Variants in FOXN3 observed in about 807,000 individuals in gnomAD.
The protein encoded by FOXN3 is forkhead box N3.
Under a neutral mutation model 38.4 loss-of-function variants are expected in FOXN3, and 7 were observed. That is an observed-to-expected ratio of 0.18 (90% CI 0.10 to 0.34). FOXN3 has a LOEUF of 0.34. FOXN3 is among the 10% of genes least tolerant of loss of function. The pLI is 1.00. For synonymous variants in FOXN3, 230 were observed against 242.2 expected (o/e 0.95, Z 0.47); for missense variants, 456 against 613.4 (o/e 0.74, Z 2.71).
chr14:89,335,453 A>C (rs1888421426), intron 3 of FOXN3, among the ~76,000 whole-genome samples: 1 of 152,260 alleles, frequency 6.6e-6, no homozygotes, highest in Non-Finnish European at 1.5e-5. Flanking sequence ...AATGACCAAC[A>C]GTGCTCATCA....
intron 1 of FOXN3, among the ~76,000 whole-genome samples, chr14:89,554,961 T>TTG (rs1156747020): frequency 3.3e-5 from 5 of 152,074 alleles, no homozygotes; most frequent in African/African-American, 1.2e-4. Flanking sequence ...GCTGGTTTTT[T>TTG]TGTATTTTTA....
chr14:89,296,999 T>G (rs1887058722), intron 3 of FOXN3, among the ~76,000 whole-genome samples: 1 of 152,216 alleles, frequency 6.6e-6, no homozygotes, highest in Admixed American at 6.5e-5. Flanking sequence ...TTGGGCCTGC[T>G]GTGCTAGTGT....
chr14:89,558,749 C>T (rs1895179372), intron 1 of FOXN3, among the ~76,000 whole-genome samples: 4 of 152,182 alleles, frequency 2.6e-5, no homozygotes, highest in Admixed American at 2.6e-4. Flanking sequence ...CGGACCCAGC[C>T]ATGCCAGAGG....
At chr14:89,234,947 C>T (rs774853099) in intron 4 of FOXN3, among the ~76,000 whole-genome samples, 50 of 152,148 alleles carry the variant, frequency 3.3e-4, no homozygotes, top group Admixed American at 2.0e-3. Flanking sequence ...CTTCTTGCAA[C>T]CTCCCTAATT....
At chr14:89,528,482 C>T (rs1208181016) in intron 1 of FOXN3, among the ~76,000 whole-genome samples, 5 of 148,122 alleles carry the variant, frequency 3.4e-5, no homozygotes, top group South Asian at 4.2e-4. Context: ...CCGCAACCTC[C>T]GCCTCCCGGG....
intron 4 of FOXN3, among the ~76,000 whole-genome samples, chr14:89,207,619 T>C (rs559525641): frequency 1.3e-5 from 2 of 152,302 alleles, no homozygotes; most frequent in African/African-American, 4.8e-5. Context: ...GATTGATGAC[T>C]GCTGGGTGAA....
chr14:89,419,181 G>A (rs1408414877), upstream of FOXN3: 3 of 455,920 alleles, frequency 6.6e-6, no homozygotes, highest in Non-Finnish European at 1.3e-5. Context: ...GATGTGAGAA[G>A]GTGTCACCCT....
At chr14:89,233,017 G>A (rs1596120000) in intron 4 of FOXN3, among the ~76,000 whole-genome samples, 3 of 152,140 alleles carry the variant, frequency 2.0e-5, no homozygotes, top group South Asian at 4.1e-4. Context: ...CTGTGCTGCC[G>A]AGCAAAATGA....
intron 4 of FOXN3, among the ~76,000 whole-genome samples, chr14:89,186,703 C>T (rs952939326): frequency 1.3e-5 from 2 of 152,136 alleles, no homozygotes; most frequent in Admixed American, 1.3e-4. Flanking sequence ...ATGCTGCAAA[C>T]GGGCAAAGTC....
chr14:89,291,153 G>A, intron 3 of FOXN3: 1 of 499,186 alleles, frequency 2.0e-6, no homozygotes, highest in Non-Finnish European at 4.0e-6. Flanking sequence ...GTTGACGTAA[G>A]TACCCAAGTT....
At chr14:89,612,327 A>G (rs1224836284) in intron 1 of FOXN3, among the ~76,000 whole-genome samples, 2 of 152,184 alleles carry the variant, frequency 1.3e-5, no homozygotes, top group Admixed American at 1.3e-4. Context: ...ATACTGCCAC[A>G]CTTCCCCAGA....
chr14:89,546,489 C>A (rs1894888287), intron 1 of FOXN3, among the ~76,000 whole-genome samples: 1 of 150,854 alleles, frequency 6.6e-6, no homozygotes, highest in Non-Finnish European at 1.5e-5. Context: ...GCCACCACGC[C>A]CGGCTAATTT....
At chr14:89,467,459 G>T (rs958745178) in intron 1 of FOXN3, among the ~76,000 whole-genome samples, 1 of 151,132 alleles carries the variant, frequency 6.6e-6, no homozygotes, top group East Asian at 1.9e-4. Flanking sequence ...TTTAAATGCC[G>T]AAAAATTAAA....
intron 1 of FOXN3, among the ~76,000 whole-genome samples, chr14:89,415,672 T>C (rs913566564): frequency 2.1e-5 from 3 of 146,136 alleles, no homozygotes; most frequent in African/African-American, 7.6e-5. Context: ...TCCATTATTA[T>C]ACTCTAACTA....
chr14:89,401,841 G>A (rs930876552), intron 2 of FOXN3, among the ~76,000 whole-genome samples: 10 of 152,116 alleles, frequency 6.6e-5, no homozygotes, highest in Non-Finnish European at 1.3e-4. Flanking sequence ...TCGACCCCAC[G>A]GGGCCCAGAG....
intron 3 of FOXN3, among the ~76,000 whole-genome samples, chr14:89,287,258 A>G (rs1886657374): frequency 1.3e-5 from 2 of 151,998 alleles, no homozygotes; most frequent in Admixed American, 1.3e-4. Flanking sequence ...GGTTCAAGCA[A>G]TTCTCCTGCC....
intron 1 of FOXN3, among the ~76,000 whole-genome samples, chr14:89,496,539 T>C (rs1893687502): frequency 6.6e-6 from 1 of 152,082 alleles, no homozygotes; most frequent in African/African-American, 2.4e-5. Context: ...GAAAGGGGGA[T>C]TGGGAGCAGC....
intron 1 of FOXN3, among the ~76,000 whole-genome samples, chr14:89,590,530 G>C (rs56906411): frequency 7.1e-4 from 108 of 152,262 alleles, no homozygotes; most frequent in African/African-American, 2.6e-3. Flanking sequence ...GAGAAAGTGG[G>C]GATGACGTGT....
At chr14:89,193,942 A>C (rs1316795386) in intron 4 of FOXN3, among the ~76,000 whole-genome samples, 4 of 152,214 alleles carry the variant, frequency 2.6e-5, no homozygotes, top group Non-Finnish European at 5.9e-5. Context: ...CCTAATGACA[A>C]ATAACCTTGA....
Sources: gnomAD v4.1 joint callset for allele counts (sites outside exome capture counted in the v4.1 genomes callset) on GRCh38, gnomAD v4.1.1 for gene constraint, MANE v1.5 for transcripts, NCBI Gene and HGNC (gene_info 2026-07-23, HGNC 2026-07-21) for gene names.